Variants in PRKN observed in about 807,000 individuals in gnomAD.
The protein encoded by PRKN is E3 ubiquitin-protein ligase parkin.
In PRKN, 56 loss-of-function variants were observed where a neutral mutation model predicts 59.5. That is an observed-to-expected ratio of 0.94 (90% CI 0.76 to 1.18). The LOEUF is 1.18. Among genes scored for constraint, PRKN ranks in the 50% most tolerant of loss-of-function variants. The pLI is 0.00. For synonymous variants in PRKN, 250 were observed against 222.1 expected, an observed-to-expected ratio of 1.13 and a Z score of -1.12; for missense variants, 657 against 596.4, an observed-to-expected ratio of 1.10 and a Z score of -1.06.
intron 6 of PRKN, among the ~76,000 whole-genome samples, chr6:161,817,995 G>A (rs559945665): frequency 6.6e-6 from 1 of 152,284 alleles, no homozygotes; most frequent in Admixed American, 6.5e-5. Context: ...TGGCGTAGGA[G>A]CCATGGAAAC....
At chr6:162,284,676 T>C (rs1781100849) in intron 2 of PRKN, among the ~76,000 whole-genome samples, 1 of 152,222 alleles carries the variant, frequency 6.6e-6, no homozygotes. Flanking sequence ...AACAAGAATA[T>C]TGGACAACTC....
In PRKN at chr6:161,369,152, C is replaced by T. The variant is rs957403624; in HGVS notation, c.1168-8947G>A. On this transcript the variant is annotated intron_variant, in intron 10 of 11. Coordinates refer to ENST00000366898, the MANE Select transcript of PRKN (RefSeq NM_004562.3). The surrounding 1 kb of genome is among the most constrained non-coding windows in gnomAD (Gnocchi z 5.8). ...TTCTACCAGGAGGAGCACATCTTTG[C>T]TTTGCATCCTTCATGAGTGTCTTAA... 1.3e-5 allele frequency among the ~76,000 whole-genome samples: 2 copies of T among 152,158 alleles called. No homozygotes were observed. Among genetic ancestry groups the T allele is most frequent in the Admixed American group, 1.3e-4 (2 of 15,280 alleles).
chr6:162,651,730 G>A (rs1327094411), intron 1 of PRKN, among the ~76,000 whole-genome samples: 2 of 152,150 alleles, frequency 1.3e-5, no homozygotes, highest in Non-Finnish European at 2.9e-5. Context: ...TTTAGAGAGT[G>A]CTCTAACTCA....
chr6:162,402,018 G>A (rs1164150304), intron 2 of PRKN, among the ~76,000 whole-genome samples: 1 of 152,104 alleles, frequency 6.6e-6, no homozygotes, highest in Non-Finnish European at 1.5e-5. Context: ...GAGAGGCCAA[G>A]GCAGGAGGAT....
At chr6:162,515,239 C>T (rs371076544) in intron 1 of PRKN, among the ~76,000 whole-genome samples, 3 of 151,972 alleles carry the variant, frequency 2.0e-5, no homozygotes, top group Admixed American at 6.6e-5. Flanking sequence ...TGCACTACCA[C>T]GCCCAGCTAA....
intron 1 of PRKN, among the ~76,000 whole-genome samples, chr6:162,537,732 T>C (rs1325706611): frequency 1.3e-5 from 2 of 152,182 alleles, no homozygotes; most frequent in Non-Finnish European, 2.9e-5. Context: ...TTCCTGTAGA[T>C]GTTTCCTCTT....
chr6:162,140,634 A>G (rs1781736881), intron 4 of PRKN, among the ~76,000 whole-genome samples: 1 of 152,194 alleles, frequency 6.6e-6, no homozygotes, highest in Admixed American at 6.5e-5. Flanking sequence ...ACTGGAGGAA[A>G]GACAATTGCC....
chr6:161,792,682 T>C (rs778390409), intron 6 of PRKN, among the ~76,000 whole-genome samples: 13 of 152,238 alleles, frequency 8.5e-5, no homozygotes, highest in Non-Finnish European at 1.6e-4. Flanking sequence ...TCCACTGTTC[T>C]TAGTTTGTGC....
intron 2 of PRKN, among the ~76,000 whole-genome samples, chr6:162,383,567 G>A (rs942136291): frequency 6.6e-6 from 1 of 152,150 alleles, no homozygotes; most frequent in South Asian, 2.1e-4. Flanking sequence ...AGCAAGGTCA[G>A]AGTAGATTCA....
chr6:161,480,640 T>C lies in PRKN; in HGVS notation c.1083+68214A>G, dbSNP rs952021823. ...AGCAGACAAGACTCAGGAAATATCG[T>C]CTCCTTTGTAGGAAATCACCTAACT... On this transcript the variant is annotated intron_variant, in intron 9 of 11. Coordinates refer to ENST00000366898, the MANE Select transcript of PRKN (RefSeq NM_004562.3). The surrounding 1 kb of genome is among the most constrained non-coding windows in gnomAD (Gnocchi z 4.1). Among the ~76,000 whole-genome samples, 2 of 152,194 alleles carry C rather than the reference T, an allele frequency of 1.3e-5. No individual in the cohort carries two copies. Among genetic ancestry groups the C allele is most frequent in the East Asian group, 3.9e-4 (2 of 5,172 alleles).
chr6:161,812,791 C>T (rs1017514406), intron 6 of PRKN, among the ~76,000 whole-genome samples: 1 of 152,176 alleles, frequency 6.6e-6, no homozygotes, highest in Non-Finnish European at 1.5e-5. Context: ...TGTGGAGATA[C>T]TTTAAAATGT....
At chr6:161,481,256 C>G (rs1193675984) in intron 9 of PRKN, among the ~76,000 whole-genome samples, 1 of 152,202 alleles carries the variant, frequency 6.6e-6, no homozygotes, top group African/African-American at 2.4e-5. Context: ...TCCCACCCAA[C>G]ATATCCTACC....
At chr6:161,608,450 C>CTTCA (rs1315587225) in intron 7 of PRKN, among the ~76,000 whole-genome samples, 1 of 151,870 alleles carries the variant, frequency 6.6e-6, no homozygotes, top group Non-Finnish European at 1.5e-5. Context: ...AGCATTAAAC[C>CTTCA]TTCATTGATC....
chr6:162,506,206 G>A (rs1353507623), intron 1 of PRKN, among the ~76,000 whole-genome samples: 1 of 102,480 alleles, frequency 9.8e-6, no homozygotes, highest in African/African-American at 4.0e-5. Context: ...AAGGCAAGAT[G>A]AAAATATCAC....
At position 161,363,763 on chromosome 6, in the gene PRKN, C is replaced by T. The variant is rs558584346; in HGVS notation, c.1168-3558G>A. ...AAAGCACTGACAGAAAATACCAGCC[C>T]ACTTAGAATTCTATCCAAGCAAAAT... On this transcript the variant is annotated intron_variant, in intron 10 of 11. Transcript: ENST00000366898. The surrounding 1 kb of genome is among the most constrained non-coding windows in gnomAD (Gnocchi z 4.1). 2.0e-5 allele frequency among the ~76,000 whole-genome samples: 3 copies of T among 152,212 alleles called. No individual in the cohort carries two copies. In the South Asian group the frequency reaches 6.2e-4, roughly 32 times the overall value.
At position 161,581,140 on chromosome 6, in the gene PRKN, G is replaced by A. The variant is rs1217807932; in HGVS notation, c.872-11724C>T. Reference sequence around the variant, plus strand: ...CTACTGGGGAGGTTTGAACCTGGGAGGCAGAGGTTGCAGTGAGCCGAGATT... The same window carrying A: ...CTACTGGGGAGGTTTGAACCTGGGAAGCAGAGGTTGCAGTGAGCCGAGATT... On this transcript the variant is annotated intron_variant, in intron 7 of 11. Coordinates refer to ENST00000366898, the MANE Select transcript of PRKN (RefSeq NM_004562.3). This position sits in a 1 kb window ranked among gnomAD's most constrained non-coding sequence, Gnocchi z 4.5. 2.0e-5 allele frequency among the ~76,000 whole-genome samples: 3 copies of A among 151,812 alleles called. No individual in the cohort carries two copies. The highest frequency in any genetic ancestry group is 1.5e-5 in the Non-Finnish European group (1 of 67,980).
intron 6 of PRKN, among the ~76,000 whole-genome samples, chr6:161,813,520 C>G (rs548547927): frequency 3.7e-4 from 56 of 152,312 alleles, no homozygotes; most frequent in Admixed American, 5.2e-4. Flanking sequence ...GTAAATTCAT[C>G]CATCCACAGA....
chr6:161,776,150 A>G (rs959097208), intron 7 of PRKN, among the ~76,000 whole-genome samples: 5 of 152,222 alleles, frequency 3.3e-5, no homozygotes, highest in Admixed American at 2.6e-4. Context: ...TGCATTTTGC[A>G]TAGTAGCCAT....
intron 6 of PRKN, among the ~76,000 whole-genome samples, chr6:161,837,216 T>C (rs1488544250): frequency 2.0e-5 from 3 of 152,028 alleles, no homozygotes; most frequent in African/African-American, 7.2e-5. Flanking sequence ...CCCGAGAAAC[T>C]GGTGGAAAAT....
Sources: gnomAD v4.1 joint callset for allele counts (sites outside exome capture counted in the v4.1 genomes callset) on GRCh38, gnomAD v4.1.1 for gene constraint, Gnocchi (gnomAD v3.1) non-coding constraint, MANE v1.5 for transcripts, NCBI Gene and HGNC (gene_info 2026-07-23, HGNC 2026-07-21) for gene names.